SNX29: variants seen among roughly 807,000 people sequenced by gnomAD.
SNX29 encodes the protein sorting nexin-29.
A neutral mutation model predicts 102.1 loss-of-function variants in SNX29; 78 were observed. That is an observed-to-expected ratio of 0.76 (90% CI 0.64 to 0.92). The LOEUF (loss-of-function observed/expected upper bound fraction) is 0.92. SNX29 is among the 40% of genes least tolerant of loss of function. SNX29 has a pLI of 0.00. For missense variants in SNX29, 1,280 were observed against 1,061.7 expected, an observed-to-expected ratio of 1.21 and a Z score of -2.86; for synonymous variants, 580 against 414.5, an observed-to-expected ratio of 1.40 and a Z score of -4.85.
intron 14 of SNX29, among the ~76,000 whole-genome samples, chr16:12,273,338 TTTTG>T (rs1596712786): frequency 1.1e-5 from 1 of 89,726 alleles, no homozygotes; most frequent in South Asian, 2.4e-4. Flanking sequence ...GTTTTTTGTT[TTTTG>T]TTTTTTTTTT....
intron 20 of SNX29, among the ~76,000 whole-genome samples, chr16:12,551,523 A>G (rs147024458): frequency 5.6e-4 from 85 of 152,342 alleles, no homozygotes; most frequent in African/African-American, 1.8e-3. Context: ...GGATCTTTTT[A>G]AAGTTCCCCA....
intron 19 of SNX29, among the ~76,000 whole-genome samples, chr16:12,518,490 C>A (rs1014189331): frequency 1.3e-5 from 2 of 152,224 alleles, no homozygotes; most frequent in African/African-American, 4.8e-5. Flanking sequence ...TGGCCACACG[C>A]CTTTCCTCCA....
chr16:12,007,686 G>T (rs1043806350), intron 3 of SNX29, among the ~76,000 whole-genome samples: 2 of 152,026 alleles, frequency 1.3e-5, no homozygotes, highest in African/African-American at 4.8e-5. Flanking sequence ...CCTGGCCCGC[G>T]GTCCCCATCA....
intron 15 of SNX29, among the ~76,000 whole-genome samples, chr16:12,354,781 CA>C (rs2082084962): frequency 6.6e-6 from 1 of 152,154 alleles, no homozygotes; most frequent in Non-Finnish European, 1.5e-5. Context: ...ACGATCGACT[CA>C]ACCTTTTCTT....
At chr16:11,981,528 G>T (rs1180746458) in intron 1 of SNX29, among the ~76,000 whole-genome samples, 1 of 152,028 alleles carries the variant, frequency 6.6e-6, no homozygotes, top group South Asian at 2.1e-4. Flanking sequence ...TTATCCCAAG[G>T]ATCCTTTGCA....
At position 12,570,245 on chromosome 16, in the gene SNX29, T is replaced by C. The variant is rs932810781; in HGVS notation, c.*1616T>C. The C allele has an allele frequency of 1.3e-5, 14 of 1,064,866 alleles. No homozygotes were observed. Among genetic ancestry groups the C allele is most frequent in the Non-Finnish European group, 1.6e-5 (14 of 878,984 alleles). 66.0% of individuals were successfully genotyped at this position (1,064,866 alleles called of 1,614,324 possible). A position where few individuals can be genotyped will look rare whatever the true frequency, so the allele number is the denominator to read the frequency against. On this transcript the variant is annotated 3_prime_UTR_variant, in exon 21 of 21. Transcript: ENST00000566228. ...TAAGCCCTGCCCCGGTGAGACCAAA[T>C]GAGCTGGAGCATGTATGGAGGTGCG...
chr16:12,081,186 C>G (rs2151353616), intron 11 of SNX29: 1 of 152,240 alleles, frequency 6.6e-6, no homozygotes, highest in African/African-American at 2.4e-5. Context: ...GATACCCACT[C>G]TTGTTGTTCA....
intron 18 of SNX29, among the ~76,000 whole-genome samples, chr16:12,416,833 C>G (rs555763860): frequency 6.6e-6 from 1 of 152,318 alleles, no homozygotes; most frequent in East Asian, 1.9e-4. Flanking sequence ...GGGCACCAAG[C>G]CATTCATGAG....
At chr16:12,554,858 G>A (rs1185630931) in intron 20 of SNX29, among the ~76,000 whole-genome samples, 2 of 152,170 alleles carry the variant, frequency 1.3e-5, no homozygotes, top group Non-Finnish European at 2.9e-5. Flanking sequence ...AGGGTGCTCA[G>A]GAAAGAGGAC....
At chr16:12,014,269 G>C (rs7192842) in intron 3 of SNX29, among the ~76,000 whole-genome samples, 1 of 151,998 alleles carries the variant, frequency 6.6e-6, no homozygotes, top group Admixed American at 6.6e-5. Flanking sequence ...CTCTTTTTCC[G>C]TTTTGATTTA....
At chr16:12,045,710 A>G (rs767748652) in intron 5 of SNX29, among the ~76,000 whole-genome samples, 19 of 151,154 alleles carry the variant, frequency 1.3e-4, no homozygotes, top group Non-Finnish European at 2.5e-4. Context: ...CTGCTCACCA[A>G]GCCTCCAGGT....
chr16:12,011,804 T>G (rs2056663176), intron 3 of SNX29, among the ~76,000 whole-genome samples: 1 of 152,088 alleles, frequency 6.6e-6, no homozygotes, highest in South Asian at 2.1e-4. Flanking sequence ...CTGTGTAATT[T>G]TGGACTGACT....
At position 12,517,649 on chromosome 16, in the gene SNX29, A is replaced by T. The variant is rs148560822; in HGVS notation, c.2179-7053A>T. 3.9e-4 allele frequency among the ~76,000 whole-genome samples: 60 copies of T among 152,340 alleles called. 1 individual carries two copies. Among genetic ancestry groups the T allele is most frequent in the African/African-American group, 1.4e-3 (59 of 41,590 alleles). On this transcript the variant is annotated intron_variant, in intron 19 of 20. Coordinates refer to ENST00000566228, the MANE Select transcript of SNX29 (RefSeq NM_032167.5). ...CCAGGCGCTGTGATAGGCTCCGGCG[A>T]TAAAGGGATGAACCAGACAGATAAG...
intron 7 of SNX29, among the ~76,000 whole-genome samples, chr16:12,049,280 A>G (rs1453967175): frequency 6.6e-6 from 1 of 151,776 alleles, no homozygotes; most frequent in Non-Finnish European, 1.5e-5. Flanking sequence ...CTTGAGTTCA[A>G]GGGTTCTAGA....
At chr16:12,035,020 A>T (rs2057435995) in intron 4 of SNX29, among the ~76,000 whole-genome samples, 1 of 151,996 alleles carries the variant, frequency 6.6e-6, no homozygotes, top group Admixed American at 6.5e-5. Context: ...CAAAAAAAAA[A>T]AGGTAAAAAA....
At chr16:12,006,697 A>T (rs1395640137) in intron 3 of SNX29, among the ~76,000 whole-genome samples, 1 of 151,502 alleles carries the variant, frequency 6.6e-6, no homozygotes, top group Non-Finnish European at 1.5e-5. Context: ...CATGGTTCAC[A>T]TCAGCCTCAA....
Position 12,366,135 on chromosome 16 carries a change from G to C in SNX29, c.1899+9856G>C, listed in dbSNP as rs568066976. Reference sequence around the variant, plus strand: ...CATATATTTTTAAAAAAGGACCTGGGGTTCTGTGATGCAGTAAGCCTGAAA... The same window carrying C: ...CATATATTTTTAAAAAAGGACCTGGCGTTCTGTGATGCAGTAAGCCTGAAA... On this transcript the variant is annotated intron_variant, in intron 16 of 20. Transcript: ENST00000566228. 6.0e-4 allele frequency among the ~76,000 whole-genome samples: 91 copies of C among 152,046 alleles called. 1 individual carries two copies. The highest frequency in any genetic ancestry group is 2.7e-3 in the South Asian group (13 of 4,802).
intron 20 of SNX29, among the ~76,000 whole-genome samples, chr16:12,531,022 T>G (rs1393184377): frequency 6.6e-6 from 1 of 152,260 alleles, no homozygotes; most frequent in Non-Finnish European, 1.5e-5. Context: ...TGGATACACA[T>G]TTTGGCAGGT....
At chr16:12,049,130 T>C (rs1296445133) in intron 7 of SNX29, among the ~76,000 whole-genome samples, 5 of 152,160 alleles carry the variant, frequency 3.3e-5, no homozygotes, top group African/African-American at 1.2e-4. Context: ...TGACTGGGGA[T>C]GGCATTTAAG....
Sources: gnomAD v4.1 joint callset for allele counts (sites outside exome capture counted in the v4.1 genomes callset) on GRCh38, gnomAD v4.1.1 for gene constraint, MANE v1.5 for transcripts, NCBI Gene and HGNC (gene_info 2026-07-23, HGNC 2026-07-21) for gene names.